TAS2R1: variants seen among roughly 807,000 people sequenced by gnomAD.
The protein encoded by TAS2R1 is taste receptor type 2 member 1.
For missense variants in TAS2R1, 370 were observed against 353.4 expected, an observed-to-expected ratio of 1.05 and a Z score of -0.38; for synonymous variants, 141 against 134.2, an observed-to-expected ratio of 1.05 and a Z score of -0.35.
the TAS2R1 span, among the ~76,000 whole-genome samples, chr5:9,807,539 G>C: frequency 6.6e-6 from 1 of 152,078 alleles, no homozygotes; most frequent in Non-Finnish European, 1.5e-5. Flanking sequence ...AGAAAATTTG[G>C]TATATCTACA....
chr5:9,643,722 T>C (rs1740130728), intron 2 of TAS2R1, among the ~76,000 whole-genome samples: 1 of 152,190 alleles, frequency 6.6e-6, no homozygotes, highest in South Asian at 2.1e-4. Context: ...AATGTTGTTA[T>C]ATGGTGCACG....
At chr5:9,637,573 G>A (rs1739988746) in intron 2 of TAS2R1, among the ~76,000 whole-genome samples, 1 of 152,028 alleles carries the variant, frequency 6.6e-6, no homozygotes, top group African/African-American at 2.4e-5. Context: ...TTATTCTTAG[G>A]TTTGGCCTTT....
chr5:9,826,598 G>C, the TAS2R1 span, among the ~76,000 whole-genome samples: 6 of 152,118 alleles, frequency 3.9e-5, no homozygotes, highest in Non-Finnish European at 8.8e-5. Context: ...ACTTAATACA[G>C]GTTAGGGCTA....
intron 2 of TAS2R1, among the ~76,000 whole-genome samples, chr5:9,645,800 A>G (rs1458797719): frequency 6.6e-6 from 1 of 152,168 alleles, no homozygotes; most frequent in Non-Finnish European, 1.5e-5. Flanking sequence ...CCAAGAATGG[A>G]TTCCATCCAG....
chr5:9,865,926 T>G, the TAS2R1 span, among the ~76,000 whole-genome samples: 2 of 152,362 alleles, frequency 1.3e-5, no homozygotes, highest in African/African-American at 4.8e-5. Flanking sequence ...TGATTTTGAG[T>G]CTTAATGTCC....
At chr5:9,785,358 A>T in the TAS2R1 span, among the ~76,000 whole-genome samples, 1 of 152,218 alleles carries the variant, frequency 6.6e-6, no homozygotes, top group African/African-American at 2.4e-5. Flanking sequence ...TTTATCACAC[A>T]ATAACATCTG....
At chr5:9,734,685 G>C in the TAS2R1 span, among the ~76,000 whole-genome samples, 17 of 152,182 alleles carry the variant, frequency 1.1e-4, no homozygotes, top group East Asian at 3.1e-3. Context: ...AGTAATCCTA[G>C]ATGGTGCCTA....
chr5:9,654,454 T>C (rs1035993151), intron 2 of TAS2R1, among the ~76,000 whole-genome samples: 2 of 152,056 alleles, frequency 1.3e-5, no homozygotes, highest in African/African-American at 4.8e-5. Flanking sequence ...CACATGAGAA[T>C]AGTCAGCAAT....
chr5:9,896,074 T>C, the TAS2R1 span, among the ~76,000 whole-genome samples: 5 of 152,336 alleles, frequency 3.3e-5, no homozygotes, highest in South Asian at 6.2e-4. Flanking sequence ...GAAAATATTT[T>C]AGAGTTACCC....
At chr5:9,633,283 GTGTGTGTATATTATATATATATA>G (rs1242447879), upstream of TAS2R1, among the ~76,000 whole-genome samples, 8 of 98,244 alleles carry the variant, frequency 8.1e-5, no homozygotes, top group Middle Eastern at 4.5e-3. Context: ...GTGTGTGTGT[GTGTGTGTATATTATATATATATA>G]TATATATATA....
chr5:9,722,425 T>G, the TAS2R1 span, among the ~76,000 whole-genome samples: 1 of 152,280 alleles, frequency 6.6e-6, no homozygotes, highest in Non-Finnish European at 1.5e-5. Flanking sequence ...GAAGTTTAGA[T>G]GTAATCTACG....
chr5:9,757,585 A>C, the TAS2R1 span, among the ~76,000 whole-genome samples: 1 of 152,232 alleles, frequency 6.6e-6, no homozygotes, highest in African/African-American at 2.4e-5. Context: ...TTCAGCATGT[A>C]GAATTATAAA....
At chr5:9,783,990 C>G in the TAS2R1 span, among the ~76,000 whole-genome samples, 49 of 152,184 alleles carry the variant, frequency 3.2e-4, no homozygotes, top group Non-Finnish European at 6.6e-4. Flanking sequence ...GGACAAATGA[C>G]TTAACCTCTC....
At chr5:9,752,276 G>T in the TAS2R1 span, among the ~76,000 whole-genome samples, 1 of 152,150 alleles carries the variant, frequency 6.6e-6, no homozygotes, top group South Asian at 2.1e-4. Context: ...ATATGTCCTG[G>T]TATTCACTGT....
chr5:9,839,566 T>C, the TAS2R1 span, among the ~76,000 whole-genome samples: 6 of 152,228 alleles, frequency 3.9e-5, no homozygotes, highest in Non-Finnish European at 8.8e-5. Context: ...GTTTCTACGC[T>C]GAAACAGGAG....
At chr5:9,802,731 T>G in the TAS2R1 span, among the ~76,000 whole-genome samples, 2 of 151,964 alleles carry the variant, frequency 1.3e-5, no homozygotes, top group Non-Finnish European at 2.9e-5. Flanking sequence ...TGAAACCCCA[T>G]CTCTACTAAA....
chr5:9,677,230 G>C (rs1740894702), intron 1 of TAS2R1, among the ~76,000 whole-genome samples: 2 of 152,062 alleles, frequency 1.3e-5, no homozygotes, highest in African/African-American at 4.8e-5. Flanking sequence ...ACATAGACCG[G>C]AACAACACAC....
the TAS2R1 span, among the ~76,000 whole-genome samples, chr5:9,722,684 T>G: frequency 6.6e-6 from 1 of 152,262 alleles, no homozygotes; most frequent in South Asian, 2.1e-4. Context: ...CTGAGCTATT[T>G]TCTGCATTAC....
chr5:9,700,872 T>G (rs917448500), intron 1 of TAS2R1, among the ~76,000 whole-genome samples: 1 of 152,182 alleles, frequency 6.6e-6, no homozygotes, highest in African/African-American at 2.4e-5. Flanking sequence ...CCTAATAACC[T>G]CATTCTTAAC....
Sources: gnomAD v4.1 joint callset for allele counts (sites outside exome capture counted in the v4.1 genomes callset) on GRCh38, gnomAD v4.1.1 for gene constraint, MANE v1.5 for transcripts, NCBI Gene and HGNC (gene_info 2026-07-23, HGNC 2026-07-21) for gene names.